The following FOXK1 variants were observed in gnomAD, a reference collection of about 807,000 sequenced individuals.
The protein encoded by FOXK1 is forkhead box K1.
In FOXK1, 19 loss-of-function variants were observed where a neutral mutation model predicts 51.9. The observed-to-expected ratio is 0.37, with a 90% CI of 0.26 to 0.54. The LOEUF is 0.54. Among genes scored for constraint, FOXK1 ranks in the 20% least tolerant of loss-of-function variants. The pLI is 0.87. For synonymous variants in FOXK1, 537 were observed against 482.6 expected, an observed-to-expected ratio of 1.11 and a Z score of -1.48; for missense variants, 870 against 1,032.7, an observed-to-expected ratio of 0.84 and a Z score of 2.16.
Position 4,747,621 on chromosome 7 carries a change from A to C in FOXK1, c.746+6598A>C, listed in dbSNP as rs1780722254. Among the ~76,000 whole-genome samples, 3 of 151,790 alleles carry C rather than the reference A, an allele frequency of 2.0e-5. No individual in the cohort carries two copies. In the South Asian group the frequency reaches 6.2e-4, roughly 32 times the overall value. On this transcript the variant is annotated intron_variant, in intron 2 of 8. Transcript: ENST00000328914. This position sits in a 1 kb window ranked among gnomAD's most constrained non-coding sequence, Gnocchi z 9.2. ...CACAGTCACAGCTCACTGCAACCTC[A>C]ACCTCCCGGGCTCAAGCGATCCTCC...
intron 1 of FOXK1, among the ~76,000 whole-genome samples, chr7:4,720,835 C>T (rs968083866): frequency 2.0e-5 from 3 of 151,806 alleles, no homozygotes; most frequent in Non-Finnish European, 4.4e-5. Flanking sequence ...TCTCCTGCCT[C>T]AGCCTCCTGA....
intron 5 of FOXK1, 135 bp downstream of exon 5, chr7:4,757,322 G>A (rs1382459256): frequency 2.6e-6 from 2 of 774,158 alleles, no homozygotes; most frequent in African/African-American, 3.6e-5. Context: ...CTGATCACAG[G>A]TCAAAAATAT....
intron 1 of FOXK1, among the ~76,000 whole-genome samples, chr7:4,689,490 T>A (rs1046255949): frequency 6.6e-6 from 1 of 152,188 alleles, no homozygotes; most frequent in Non-Finnish European, 1.5e-5. Context: ...ATCCTTTTGT[T>A]GTTCATGAGC....
rs1217258129 is a variant in FOXK1 at position 4,745,935 on chromosome 7, C to G, written c.746+4912C>G. 1.3e-5 allele frequency among the ~76,000 whole-genome samples: 2 copies of G among 151,990 alleles called. No individual in the cohort carries two copies. The highest frequency in any genetic ancestry group is 2.9e-5 in the Non-Finnish European group (2 of 68,008). On this transcript the variant is annotated intron_variant, in intron 2 of 8. Transcript: ENST00000328914. This position sits in a 1 kb window ranked among gnomAD's most constrained non-coding sequence, Gnocchi z 4.3. ...AATTAAAGTATTTAATGAAAGAATT[C>G]AAGTAGTTAATCATTTTCTAGGTTC...
chr7:4,695,250 C>T (rs1779937754), intron 1 of FOXK1, among the ~76,000 whole-genome samples: 1 of 152,182 alleles, frequency 6.6e-6, no homozygotes, highest in Non-Finnish European at 1.5e-5. Flanking sequence ...GGTTGGAGTC[C>T]ATATTAACCA....
rs111705834 is a variant in FOXK1 at position 4,751,347 on chromosome 7, G to C, written c.747-3112G>C. Among the ~76,000 whole-genome samples, 1,466 of 152,150 alleles carry C rather than the reference G, an allele frequency of 9.6e-3. 37 individuals are homozygous for C. Among genetic ancestry groups the C allele is most frequent in the African/African-American group, 0.033 (1,364 of 41,518 alleles). ...AGCGTGAGCCACCGTGCCCGGCCCA[G>C]CATTTTCTTTAGATTGCTAAGGGAA... On this transcript the variant is annotated intron_variant, in intron 2 of 8. Coordinates refer to ENST00000328914, the MANE Select transcript of FOXK1 (RefSeq NM_001037165.2).
At position 4,730,065 on chromosome 7, in the gene FOXK1, C is replaced by T. The variant is rs934923099; in HGVS notation, c.561-10773C>T. ...AGACCGTTGTCTGCGTTTTTCACCG[C>T]GTGTCACCGACTCAGCATATGGGCT... On this transcript the variant is annotated intron_variant, in intron 1 of 8. Coordinates refer to ENST00000328914, the MANE Select transcript of FOXK1 (RefSeq NM_001037165.2). This position sits in a 1 kb window ranked among gnomAD's most constrained non-coding sequence, Gnocchi z 4.7. Among the ~76,000 whole-genome samples the T allele has an allele frequency of 1.3e-5, 2 of 152,202 alleles. No individual in the cohort carries two copies. The highest frequency in any genetic ancestry group is 2.9e-5 in the Non-Finnish European group (2 of 68,020).
intron 2 of FOXK1, among the ~76,000 whole-genome samples, chr7:4,752,665 T>C (rs928805533): frequency 6.6e-6 from 1 of 152,220 alleles, no homozygotes; most frequent in Non-Finnish European, 1.5e-5. Context: ...GATCAGAGTG[T>C]ATGTGAGTGA....
At chr7:4,706,916 T>A (rs555441914) in intron 1 of FOXK1, among the ~76,000 whole-genome samples, 41 of 152,318 alleles carry the variant, frequency 2.7e-4, no homozygotes, top group African/African-American at 9.6e-4. Context: ...CCCCCGGGAC[T>A]TCTGAGTTCC....
rs1385096985 is a variant in FOXK1 at position 4,766,976 on chromosome 7, C to T, written c.*4512C>T. ...TGTTTTTATGGAGACAAAGAACAGA[C>T]CTCAGTGGGAAAAATGAAAACGTAA... is the stretch of plus-strand genomic sequence containing the variant. On this transcript the variant is annotated 3_prime_UTR_variant, in exon 9 of 9. Coordinates refer to ENST00000328914, the MANE Select transcript of FOXK1 (RefSeq NM_001037165.2). This position sits in a 1 kb window ranked among gnomAD's most constrained non-coding sequence, Gnocchi z 5.5. The T allele has an allele frequency of 2.0e-5, 3 of 152,190 alleles. No individual in the cohort carries two copies. Among genetic ancestry groups the T allele is most frequent in the East Asian group, 3.9e-4 (2 of 5,194 alleles). The allele number at this position is 152,190 out of a possible 1,614,324, so 9.4% of individuals were successfully genotyped here.
rs537263442 is a variant in FOXK1 at position 4,729,988 on chromosome 7, G to C, written c.561-10850G>C. The stretch of plus-strand genomic sequence containing the variant: ...CTGGGCGACAGAGCGAGACTCTGTC[G>C]AAACAATTTAAATAAAAAAAAGAAA... On this transcript the variant is annotated intron_variant, in intron 1 of 8. Transcript: ENST00000328914. This position sits in a 1 kb window ranked among gnomAD's most constrained non-coding sequence, Gnocchi z 6.2. 6.6e-6 allele frequency among the ~76,000 whole-genome samples: 1 copy of C among 152,032 alleles called. No homozygotes were observed. Among genetic ancestry groups the C allele is most frequent in the Non-Finnish European group, 1.5e-5 (1 of 68,012 alleles).
In FOXK1 at chr7:4,683,277, C is replaced by T. The variant is rs2115024823; in HGVS notation, c.560+409C>T. Among the ~76,000 whole-genome samples the T allele has an allele frequency of 6.6e-6, 1 of 151,226 alleles. No homozygotes were observed. Among genetic ancestry groups the T allele is most frequent in the East Asian group, 2.0e-4 (1 of 5,094 alleles). ...AGCCCATCTGGCTGGGCCTCTTAGA[C>T]CCCTGACCCAGATCCCTGCTGCTCC... is the stretch of plus-strand genomic sequence containing the variant. On this transcript the variant is annotated intron_variant, in intron 1 of 8. Transcript: ENST00000328914. The surrounding 1 kb of genome is among the most constrained non-coding windows in gnomAD (Gnocchi z 4.5).
intron 1 of FOXK1, among the ~76,000 whole-genome samples, chr7:4,706,133 A>G (rs1780099464): frequency 6.6e-6 from 1 of 151,502 alleles, no homozygotes; most frequent in Admixed American, 6.6e-5. Flanking sequence ...AGCAGGAGAA[A>G]AGCCACATAG....
At chr7:4,700,823 C>G (rs1246611856) in intron 1 of FOXK1, among the ~76,000 whole-genome samples, 1 of 151,826 alleles carries the variant, frequency 6.6e-6, no homozygotes, top group Non-Finnish European at 1.5e-5. Flanking sequence ...TCTCAAAAAA[C>G]AAACAAACAA....
chr7:4,709,503 G>C lies in FOXK1; in HGVS notation c.560+26635G>C, dbSNP rs1030496428. ...CCACCCCTGCTGGCCCGCGACCCCT[G>C]CTGGCAGATCGAGGCTGGCCCGTGA... On this transcript the variant is annotated intron_variant, in intron 1 of 8. Coordinates refer to ENST00000328914, the MANE Select transcript of FOXK1 (RefSeq NM_001037165.2). The surrounding 1 kb of genome is among the most constrained non-coding windows in gnomAD (Gnocchi z 5.6). Among the ~76,000 whole-genome samples the C allele has an allele frequency of 6.6e-6, 1 of 152,110 alleles. No individual in the cohort carries two copies. The highest frequency in any genetic ancestry group is 2.4e-5 in the African/African-American group (1 of 41,430).
rs1406751003 is a variant in FOXK1, at chr7:4,730,690, T to C, written c.561-10148T>C. Among the ~76,000 whole-genome samples, 1 of 152,210 alleles carries C rather than the reference T, an allele frequency of 6.6e-6. No homozygotes were observed. Among genetic ancestry groups the C allele is most frequent in the Non-Finnish European group, 1.5e-5 (1 of 68,026 alleles). Reference sequence around the variant, plus strand: ...ACTGCCATGCACTGCTCTTAGCTGCTGGCGAAGACGTGGTCTCTGCAATAG... The same window carrying C: ...ACTGCCATGCACTGCTCTTAGCTGCCGGCGAAGACGTGGTCTCTGCAATAG... On this transcript the variant is annotated intron_variant, in intron 1 of 8. Transcript: ENST00000328914. The surrounding 1 kb of genome is among the most constrained non-coding windows in gnomAD (Gnocchi z 4.7).
In FOXK1 at chr7:4,725,347, G is replaced by T. The variant is rs182677757; in HGVS notation, c.561-15491G>T. Among the ~76,000 whole-genome samples the T allele has an allele frequency of 4.0e-3, 613 of 152,358 alleles. 4 individuals carry two copies. The highest frequency in any genetic ancestry group is 0.014 in the African/African-American group (567 of 41,576). ...CCAGTCCCTTGGTCTGACCGGGGGCGCTGCTTTTGTTCAGAAAGCGGTGGG... is the reference window on the plus strand; with the variant it reads ...CCAGTCCCTTGGTCTGACCGGGGGCTCTGCTTTTGTTCAGAAAGCGGTGGG... On this transcript the variant is annotated intron_variant, in intron 1 of 8. Transcript: ENST00000328914.
At chr7:4,740,361 C>T (rs886835469) in intron 1 of FOXK1, among the ~76,000 whole-genome samples, 41 of 151,626 alleles carry the variant, frequency 2.7e-4, no homozygotes, top group African/African-American at 6.8e-4. Flanking sequence ...ACCCAGGAGG[C>T]GGAGCTTGCA....
intron 7 of FOXK1, 73 bp downstream of exon 7, chr7:4,759,668 C>G: frequency 6.8e-7 from 1 of 1,460,426 alleles, no homozygotes; most frequent in Middle Eastern, 1.9e-4. Context: ...CCCAAGGCAG[C>G]GCCATTGGCC....
Sources: gnomAD v4.1 joint callset for allele counts (sites outside exome capture counted in the v4.1 genomes callset) on GRCh38, gnomAD v4.1.1 for gene constraint, Gnocchi (gnomAD v3.1) non-coding constraint, MANE v1.5 for transcripts, NCBI Gene and HGNC (gene_info 2026-07-23, HGNC 2026-07-21) for gene names.